Variants in IQCM observed in about 807,000 individuals in gnomAD.
IQCM encodes the protein IQ domain-containing protein M.
IQCM carries 45 observed loss-of-function variants against 57.6 expected under a neutral mutation model. The observed-to-expected ratio is 0.78, with a 90% CI of 0.62 to 1.00. The LOEUF is 1.00. Ranked by LOEUF, IQCM falls within the 50% of genes least tolerant of loss-of-function variation. IQCM has a pLI of 0.00. For synonymous variants in IQCM, 148 were observed against 158.9 expected, an observed-to-expected ratio of 0.93 and a Z score of 0.51; for missense variants, 468 against 511.6, an observed-to-expected ratio of 0.91 and a Z score of 0.82.
At chr4:149,704,287 C>G (rs1288569607) in intron 5 of IQCM, among the ~76,000 whole-genome samples, 1 of 151,738 alleles carries the variant, frequency 6.6e-6, no homozygotes, top group Non-Finnish European at 1.5e-5. Flanking sequence ...CTTGCTCAAC[C>G]CCTGGAATAA....
intron 9 of IQCM, among the ~76,000 whole-genome samples, chr4:149,575,573 C>A (rs1751555355): frequency 6.6e-6 from 1 of 151,708 alleles, no homozygotes; most frequent in African/African-American, 2.4e-5. Context: ...TCTTTTTGTA[C>A]CCCAATCATT....
At chr4:149,622,360 G>A (rs1306316508) in intron 7 of IQCM, among the ~76,000 whole-genome samples, 2 of 85,442 alleles carry the variant, frequency 2.3e-5, no homozygotes, top group African/African-American at 9.6e-5. Flanking sequence ...TTTTTTTTTT[G>A]GAGACGTAGT....
rs529581907 is a variant in IQCM at position 149,790,850 on chromosome 4, A to G, written c.-49+24461T>C. On this transcript the variant is annotated intron_variant, in intron 2 of 13. Coordinates refer to ENST00000636793, the MANE Select transcript of IQCM (RefSeq NM_001363507.2). ...ATATGATTTTTTTTTTGGTACTTTT[A>G]TTTATTCTATCAGTCTTTTTAACAA... is the stretch of plus-strand genomic sequence containing the variant. 2.2e-4 allele frequency among the ~76,000 whole-genome samples: 34 copies of G among 151,578 alleles called. No homozygotes were observed. The South Asian group carries it at 7.1e-3, about 32-fold the overall frequency.
At chr4:149,395,951 T>G (rs1045052201) in intron 13 of IQCM, among the ~76,000 whole-genome samples, 1 of 152,006 alleles carries the variant, frequency 6.6e-6, no homozygotes, top group East Asian at 1.9e-4. Context: ...TTCTCCCTGC[T>G]AGACAATGGC....
Position 149,366,611 on chromosome 4 carries a change from C to T in IQCM, c.1391-14545G>A, listed in dbSNP as rs369919616. Among the ~76,000 whole-genome samples the T allele has an allele frequency of 5.2e-4, 79 of 151,822 alleles. 1 individual carries two copies. Among genetic ancestry groups the T allele is most frequent in the South Asian group, 3.7e-3 (18 of 4,816 alleles). ...TTACCACTTTTAATACTATATTTTT[C>T]ATTGTCCTCAAAAAGAGAGTGGAAA... On this transcript the variant is annotated intron_variant, in intron 13 of 13. Transcript: ENST00000636793.
At chr4:149,367,733 T>C (rs1729941981) in intron 13 of IQCM, among the ~76,000 whole-genome samples, 1 of 152,064 alleles carries the variant, frequency 6.6e-6, no homozygotes, top group Non-Finnish European at 1.5e-5. Context: ...TAAGTTGCTA[T>C]CTAAAACTCT....
chr4:149,628,116 A>G (rs930639807), intron 7 of IQCM, among the ~76,000 whole-genome samples: 4 of 152,204 alleles, frequency 2.6e-5, no homozygotes, highest in Middle Eastern at 3.2e-3. Flanking sequence ...TCAAGTTACC[A>G]GGTTTTCAGT....
intron 10 of IQCM, among the ~76,000 whole-genome samples, chr4:149,554,120 T>C (rs1403009403): frequency 6.6e-6 from 1 of 152,198 alleles, no homozygotes; most frequent in Non-Finnish European, 1.5e-5. Context: ...TTCTTGTTTG[T>C]TTAGGAATGT....
At chr4:149,757,389 T>G (rs1220942821) in intron 2 of IQCM, among the ~76,000 whole-genome samples, 1 of 151,992 alleles carries the variant, frequency 6.6e-6, no homozygotes, top group Admixed American at 6.6e-5. Flanking sequence ...TCTGTTCACA[T>G]ATCAATAGAG....
intron 13 of IQCM, among the ~76,000 whole-genome samples, chr4:149,366,917 T>C (rs1337247382): frequency 1.3e-5 from 2 of 152,146 alleles, no homozygotes; most frequent in East Asian, 3.9e-4. Context: ...ATTTTGTCAA[T>C]TGCAAAACGG....
At chr4:149,803,343 A>G (rs1296381355) in intron 2 of IQCM, among the ~76,000 whole-genome samples, 4 of 152,000 alleles carry the variant, frequency 2.6e-5, no homozygotes, top group Non-Finnish European at 5.9e-5. Flanking sequence ...AACATTTGTA[A>G]TTGTCCCACA....
intron 9 of IQCM, among the ~76,000 whole-genome samples, chr4:149,580,505 C>T (rs911554545): frequency 5.3e-5 from 8 of 151,636 alleles, no homozygotes; most frequent in Admixed American, 2.0e-4. Flanking sequence ...AATTTTATAG[C>T]TATTTTGCTT....
chr4:149,377,482 C>T (rs945107834), intron 13 of IQCM, among the ~76,000 whole-genome samples: 1 of 152,124 alleles, frequency 6.6e-6, no homozygotes, highest in Non-Finnish European at 1.5e-5. Context: ...AGAGATTCTC[C>T]ATTTTCTCTG....
At chr4:149,370,122 G>A (rs916336853) in intron 13 of IQCM, among the ~76,000 whole-genome samples, 1 of 152,122 alleles carries the variant, frequency 6.6e-6, no homozygotes, top group Non-Finnish European at 1.5e-5. Flanking sequence ...TCAAGCTCCT[G>A]CCCTGAGGCA....
intron 13 of IQCM, among the ~76,000 whole-genome samples, chr4:149,375,292 T>C (rs1377002488): frequency 6.6e-6 from 1 of 152,166 alleles, no homozygotes; most frequent in African/African-American, 2.4e-5. Flanking sequence ...TTTGTGCTAC[T>C]ACATAGATGG....
intron 10 of IQCM, among the ~76,000 whole-genome samples, chr4:149,556,335 T>C (rs1262114559): frequency 1.3e-5 from 2 of 152,108 alleles, no homozygotes; most frequent in Non-Finnish European, 2.9e-5. Context: ...ATTCATTGTT[T>C]GGAGAATTCC....
chr4:149,701,689 G>A (rs1356336679), intron 5 of IQCM, among the ~76,000 whole-genome samples: 3 of 151,730 alleles, frequency 2.0e-5, no homozygotes, highest in African/African-American at 7.3e-5. Context: ...CTATATGTGG[G>A]TGCCAAAAAA....
At chr4:149,695,999 T>C (rs149128109) in intron 5 of IQCM, among the ~76,000 whole-genome samples, 15 of 152,340 alleles carry the variant, frequency 9.8e-5, no homozygotes, top group Non-Finnish European at 1.3e-4. Flanking sequence ...GATTACTACT[T>C]AATGCAGTCA....
intron 2 of IQCM, among the ~76,000 whole-genome samples, chr4:149,761,231 T>C (rs1389998867): frequency 6.6e-6 from 1 of 152,114 alleles, no homozygotes; most frequent in Non-Finnish European, 1.5e-5. Context: ...ATCCCCTTAA[T>C]CGTGGATCTA....
Sources: gnomAD v4.1 joint callset for allele counts (sites outside exome capture counted in the v4.1 genomes callset) on GRCh38, gnomAD v4.1.1 for gene constraint, MANE v1.5 for transcripts, NCBI Gene and HGNC (gene_info 2026-07-23, HGNC 2026-07-21) for gene names.